Variants in ZNF804B observed in about 807,000 individuals in gnomAD.
ZNF804B encodes the protein zinc finger 804B.
Under a neutral mutation model 101.4 loss-of-function variants are expected in ZNF804B, and 80 were observed. That is an observed-to-expected ratio of 0.79 (90% CI 0.66 to 0.95). The LOEUF is 0.95. Ranked by LOEUF, ZNF804B falls within the 40% of genes least tolerant of loss-of-function variation. The pLI, the probability that ZNF804B is intolerant of heterozygous loss-of-function variation, is 0.00. For missense variants in ZNF804B, 1,673 were observed against 1,561.9 expected (o/e 1.07, Z -1.20); for synonymous variants, 622 against 558.8 (o/e 1.11, Z -1.59).
chr7:89,155,790 C>A (rs73395221), intron 1 of ZNF804B, among the ~76,000 whole-genome samples: 266 of 152,268 alleles, frequency 1.7e-3, no homozygotes, highest in African/African-American at 5.9e-3. Context: ...ATGCCTTCCT[C>A]TCAATAGGAA....
At chr7:89,331,340 C>A (rs534643900) in intron 3 of ZNF804B, among the ~76,000 whole-genome samples, 1 of 151,688 alleles carries the variant, frequency 6.6e-6, no homozygotes, top group Non-Finnish European at 1.5e-5. Flanking sequence ...AAAGTCTCTA[C>A]GCTCCTTATT....
In ZNF804B at chr7:88,760,085, G is replaced by A; in HGVS notation, c.108+1G>A. ...GTGCAAGAACGGATCTCCCTCTCCG[G>A]TAATGTGCGCGCGCACACACATACA... On this transcript the variant is annotated splice_donor_variant, in intron 1 of 3. Transcript: ENST00000333190. LOFTEE classifies it high-confidence loss of function. 6.2e-7 allele frequency: 1 copy of A among 1,613,056 alleles called. No homozygotes were observed. The highest frequency in any genetic ancestry group is 8.5e-7 in the Non-Finnish European group (1 of 1,179,028).
rs1562812904 is a variant in ZNF804B at position 88,854,529 on chromosome 7, T to TCCTTTCCTTTCCTTCCCTTC, written c.108+94449_108+94450insTCCTTTCCTTCCCTTCCCTT. Among the ~76,000 whole-genome samples, 19 of 57,920 alleles carry TCCTTTCCTTTCCTTCCCTTC rather than the reference T, an allele frequency of 3.3e-4. 1 individual carries two copies. Among genetic ancestry groups the TCCTTTCCTTTCCTTCCCTTC allele is most frequent in the African/African-American group, 8.7e-4 (12 of 13,726 alleles). 38.0% of individuals were successfully genotyped at this position (57,920 alleles called of 152,430 possible). ...TTCCTTTCCTTTCCTTTCCTTCCTT[T>TCCTTTCCTTTCCTTCCCTTC]CCTTCCTTCCTTCCTTCCTTCCTTC... On this transcript the variant is annotated intron_variant, in intron 1 of 3. Coordinates refer to ENST00000333190, the MANE Select transcript of ZNF804B (RefSeq NM_181646.5).
At position 89,336,842 on chromosome 7, in the gene ZNF804B, C is replaced by T; in HGVS notation, c.3860C>T (p.Pro1287Leu). Reference protein sequence around the residue: ...HPSHITLQPLPPTAFIPTLFG... With the variant: ...HPSHITLQPLLPTAFIPTLFG... ...TCTCACATAACACTTCAGCCTCTGCCCCCTACAGCATTTATTCCTACATTG... is the reference window on the plus strand; with the variant it reads ...TCTCACATAACACTTCAGCCTCTGCTCCCTACAGCATTTATTCCTACATTG... Residue 1287 changes from proline to leucine, a missense_variant, in exon 4 of 4, where the codon CCC becomes CTC. By Grantham distance (98) the Pro-to-Leu change is moderately conservative. Transcript: ENST00000333190. 2 of 1,614,072 alleles carry T rather than the reference C, an allele frequency of 1.2e-6. No individual in the cohort carries two copies. The highest frequency in any genetic ancestry group is 1.7e-6 in the Non-Finnish European group (2 of 1,179,988).
Position 89,328,553 on chromosome 7 carries a change from C to T in ZNF804B, c.380+1079C>T, listed in dbSNP as rs545441498. Among the ~76,000 whole-genome samples the T allele has an allele frequency of 6.1e-4, 92 of 151,926 alleles. 1 individual carries two copies. Among genetic ancestry groups the T allele is most frequent in the African/African-American group, 2.1e-3 (89 of 41,508 alleles). On this transcript the variant is annotated intron_variant, in intron 3 of 3. Coordinates refer to ENST00000333190, the MANE Select transcript of ZNF804B (RefSeq NM_181646.5). ...CATACATTTGGTACTGAGCTTTCTA[C>T]AGCCAACACAATGAGGGACTTACAA...
intron 1 of ZNF804B, among the ~76,000 whole-genome samples, chr7:89,066,068 G>A (rs1204097402): frequency 6.6e-6 from 1 of 152,124 alleles, no homozygotes; most frequent in Non-Finnish European, 1.5e-5. Context: ...TACACACTCA[G>A]TTAAAATGGC....
At chr7:88,823,165 G>A (rs997719211) in intron 1 of ZNF804B, among the ~76,000 whole-genome samples, 6 of 152,074 alleles carry the variant, frequency 3.9e-5, no homozygotes, top group East Asian at 1.9e-4. Flanking sequence ...AGCCAAGATC[G>A]CATCACTGCA....
intron 1 of ZNF804B, among the ~76,000 whole-genome samples, chr7:88,835,886 T>C (rs763881843): frequency 8.5e-5 from 13 of 152,090 alleles, no homozygotes; most frequent in Non-Finnish European, 1.8e-4. Context: ...GCAGATTGTG[T>C]GCATGTATAT....
chr7:88,965,273 C>T (rs1487767190), intron 1 of ZNF804B, among the ~76,000 whole-genome samples: 1 of 151,360 alleles, frequency 6.6e-6, no homozygotes, highest in African/African-American at 2.4e-5. Flanking sequence ...AGAGGACTTG[C>T]AGAGAGAATA....
intron 1 of ZNF804B, among the ~76,000 whole-genome samples, chr7:88,788,896 A>G (rs1461801817): frequency 2.6e-5 from 4 of 152,266 alleles, no homozygotes; most frequent in Non-Finnish European, 5.9e-5. Context: ...TTTTCAACTG[A>G]AATTACAGGT....
intron 1 of ZNF804B, among the ~76,000 whole-genome samples, chr7:88,866,249 A>G (rs1427428221): frequency 6.6e-6 from 1 of 152,236 alleles, no homozygotes; most frequent in East Asian, 1.9e-4. Context: ...AGTGATGATT[A>G]TCTGTGATAG....
rs1790662887 is a variant in ZNF804B at position 89,312,649 on chromosome 7, A to G, written c.250-14695A>G. Reference sequence around the variant, plus strand: ...CTAACATGGGAGATCTTTTAAAAATACTTTAGCCCATTTCACTATGTGTTT... The same window carrying G: ...CTAACATGGGAGATCTTTTAAAAATGCTTTAGCCCATTTCACTATGTGTTT... On this transcript the variant is annotated intron_variant, in intron 2 of 3. Coordinates refer to ENST00000333190, the MANE Select transcript of ZNF804B (RefSeq NM_181646.5). Among the ~76,000 whole-genome samples the G allele has an allele frequency of 3.9e-5, 6 of 152,236 alleles. No homozygotes were observed. In the South Asian group the frequency reaches 1.2e-3, roughly 32 times the overall value.
intron 1 of ZNF804B, among the ~76,000 whole-genome samples, chr7:89,189,616 A>G (rs1319473268): frequency 6.6e-6 from 1 of 152,170 alleles, no homozygotes; most frequent in Non-Finnish European, 1.5e-5. Context: ...TGTATGGGCC[A>G]CAGTGTCCAG....
At chr7:88,859,940 C>T (rs1791623166) in intron 1 of ZNF804B, among the ~76,000 whole-genome samples, 1 of 151,476 alleles carries the variant, frequency 6.6e-6, no homozygotes, top group South Asian at 2.1e-4. Flanking sequence ...AGTTATGGAG[C>T]TGTGTAAATT....
chr7:89,029,061 G>T (rs1788790459), intron 1 of ZNF804B, among the ~76,000 whole-genome samples: 1 of 152,122 alleles, frequency 6.6e-6, no homozygotes, highest in African/African-American at 2.4e-5. Context: ...ATGAACAAAT[G>T]AATGACAATG....
rs567858759 is a variant in ZNF804B at position 88,792,179 on chromosome 7, G to A, written c.108+32095G>A. Among the ~76,000 whole-genome samples the A allele has an allele frequency of 2.6e-5, 4 of 152,116 alleles. No homozygotes were observed. The South Asian group carries it at 8.3e-4, about 32-fold the overall frequency. On this transcript the variant is annotated intron_variant, in intron 1 of 3. Coordinates refer to ENST00000333190, the MANE Select transcript of ZNF804B (RefSeq NM_181646.5). ...ACTTCTTTTGTATTTTATCGGTTAA[G>A]GCAGTCACAGAAGAGGTCTGCCTGC...
At chr7:88,930,016 C>G (rs1792859908) in intron 1 of ZNF804B, among the ~76,000 whole-genome samples, 1 of 151,698 alleles carries the variant, frequency 6.6e-6, no homozygotes, top group South Asian at 2.1e-4. Flanking sequence ...TGGTTCTATT[C>G]AGTGTAATTG....
Position 89,053,166 on chromosome 7 carries a change from A to G in ZNF804B, c.109-164989A>G, listed in dbSNP as rs367846161. 2.0e-5 allele frequency among the ~76,000 whole-genome samples: 3 copies of G among 152,252 alleles called. No individual in the cohort carries two copies. The East Asian group carries it at 5.8e-4, about 29-fold the overall frequency. ...AAAAGACGTTCTGGTTGTGATTTCT[A>G]TAGTAAAGCTGTCAGAAAGCTGGTC... is the stretch of plus-strand genomic sequence containing the variant. On this transcript the variant is annotated intron_variant, in intron 1 of 3. Coordinates refer to ENST00000333190, the MANE Select transcript of ZNF804B (RefSeq NM_181646.5).
At chr7:89,228,222 G>C (rs577387230) in intron 2 of ZNF804B, among the ~76,000 whole-genome samples, 8 of 148,960 alleles carry the variant, frequency 5.4e-5, no homozygotes, top group African/African-American at 2.0e-4. Flanking sequence ...GCTCATAAAG[G>C]CAGTGTGTAC....
Sources: allele counts gnomAD v4.1 joint callset (sites outside exome capture counted in the v4.1 genomes callset), GRCh38; gene constraint gnomAD v4.1.1; transcripts MANE v1.5; gene names NCBI Gene and HGNC (gene_info 2026-07-23, HGNC 2026-07-21).